Variants in ATP6V0A2 observed in about 807,000 individuals in gnomAD.
ATP6V0A2 encodes the protein V-type proton ATPase 116 kDa subunit a 2.
ATP6V0A2 carries 58 observed loss-of-function variants against 104.4 expected under a neutral mutation model. That is an observed-to-expected ratio of 0.56 (90% CI 0.45 to 0.69). ATP6V0A2 has a LOEUF of 0.69. Ranked by LOEUF, ATP6V0A2 falls within the 30% of genes least tolerant of loss-of-function variation. ATP6V0A2 has a pLI of 0.00. For missense variants in ATP6V0A2, 938 were observed against 1,062.9 expected (o/e 0.88, Z 1.63); for synonymous variants, 376 against 397.9 (o/e 0.95, Z 0.65).
At chr12:123,736,606 G>A (rs1403802251) in intron 8 of ATP6V0A2, among the ~76,000 whole-genome samples, 2 of 152,308 alleles carry the variant, frequency 1.3e-5, no homozygotes, top group East Asian at 1.9e-4. Flanking sequence ...GAGGGTTCTT[G>A]TTGGCATGAA....
At chr12:123,745,061 A>C in intron 13 of ATP6V0A2, 89 bp downstream of exon 13, 1 of 1,306,368 alleles carries the variant, frequency 7.7e-7, no homozygotes, top group Non-Finnish European at 1.1e-6. Flanking sequence ...ACTGTTGAGC[A>C]GGGTTCACGC....
chr12:123,733,682 T>G, intron 6 of ATP6V0A2: 1 of 517,772 alleles, frequency 1.9e-6, no homozygotes, highest in African/African-American at 1.9e-5. Flanking sequence ...GGACTTTACC[T>G]GGGAACGCGG....
chr12:123,718,474 T>G (rs879366267), intron 1 of ATP6V0A2, 149 bp from the exon 2 acceptor site: 11 of 597,942 alleles, frequency 1.8e-5, no homozygotes, highest in Non-Finnish European at 3.2e-5. Context: ...GTTGACAAAT[T>G]GCTCTCAAGA....
In ATP6V0A2 at chr12:123,759,488, TG is replaced by T. The variant is rs1172150353; in HGVS notation, c.*1457del. 1 of 152,256 alleles carries T rather than the reference TG, an allele frequency of 6.6e-6. No homozygotes were observed. The highest frequency in any genetic ancestry group is 6.5e-5 in the Admixed American group (1 of 15,286). The allele number at this position is 152,256 out of a possible 1,614,324, so 9.4% of individuals were successfully genotyped here. A position where few individuals can be genotyped will look rare whatever the true frequency, so the allele number is the denominator to read the frequency against. On this transcript the variant is annotated 3_prime_UTR_variant, in exon 20 of 20. Transcript: ENST00000330342. ...TTTTGTGAACTTGAGTCAGTCCTAT[TG>T]AACATTTTGACCTATATTCTTGCAA...
intron 1 of ATP6V0A2, among the ~76,000 whole-genome samples, chr12:123,716,650 G>A (rs1956342384): frequency 6.6e-6 from 1 of 151,924 alleles, no homozygotes; most frequent in Non-Finnish European, 1.5e-5. Context: ...AATTAGCCGG[G>A]TGTGGTGGCA....
intron 4 of ATP6V0A2, 126 bp downstream of exon 4, chr12:123,724,917 A>C: frequency 1.6e-6 from 1 of 626,346 alleles, no homozygotes; most frequent in South Asian, 2.7e-5. Context: ...TAAGAGATTA[A>C]ATTTATTTAT....
chr12:123,734,581 C>T (rs11057340), intron 7 of ATP6V0A2, among the ~76,000 whole-genome samples: 2 of 152,192 alleles, frequency 1.3e-5, no homozygotes, highest in Non-Finnish European at 2.9e-5. Context: ...GACATCAGTT[C>T]GGCATAAGCC....
At chr12:123,729,631 CTG>C (rs1489402398) in intron 6 of ATP6V0A2, among the ~76,000 whole-genome samples, 4 of 152,008 alleles carry the variant, frequency 2.6e-5, no homozygotes, top group African/African-American at 7.3e-5. Flanking sequence ...GTAAAAATAA[CTG>C]TTGTTTTAAA....
Position 123,744,646 on chromosome 12 carries a change from T to C in ATP6V0A2, c.1376T>C (p.Leu459Pro), listed in dbSNP as rs1425437024. 1 of 1,613,898 alleles carries C rather than the reference T, an allele frequency of 6.2e-7. No homozygotes were observed. The highest frequency in any genetic ancestry group is 1.1e-5 in the South Asian group (1 of 91,058). The change falls in exon 12 of 20, where the codon CTG becomes CCG. Residue 459 changes from leucine to proline, a missense_variant. Physicochemically the swap from Leu to Pro is moderately conservative, Grantham distance 98. Transcript: ENST00000330342. This position sits in a 1 kb window ranked among gnomAD's most constrained non-coding sequence, Gnocchi z 5.4. ...NGRYILLLMG[L>P]FSVYTGLIYN... Reference sequence around the variant, plus strand: ...CGGTACATCCTCCTGCTGATGGGGCTGTTCTCAGTGTACACTGGCCTCATC... The same window carrying C: ...CGGTACATCCTCCTGCTGATGGGGCCGTTCTCAGTGTACACTGGCCTCATC...
chr12:123,743,726 A>G (rs2135908936), intron 9 of ATP6V0A2, 59 bp from the exon 10 acceptor site: 3 of 1,582,596 alleles, frequency 1.9e-6, no homozygotes, highest in East Asian at 2.2e-5. Context: ...TTCGTTGAAT[A>G]TGGATAGTTA....
At chr12:123,722,115 A>C (rs927747692) in intron 2 of ATP6V0A2, among the ~76,000 whole-genome samples, 2 of 152,214 alleles carry the variant, frequency 1.3e-5, no homozygotes, top group Admixed American at 1.3e-4. Context: ...AGTCACTAAG[A>C]AATAGAAGAG....
chr12:123,736,184 T>G, intron 8 of ATP6V0A2, among the ~76,000 whole-genome samples: 1 of 134,928 alleles, frequency 7.4e-6, no homozygotes, highest in African/African-American at 2.7e-5. Flanking sequence ...GGATTGTGAT[T>G]CTTTTTTTTT....
At position 123,745,413 on chromosome 12, in the gene ATP6V0A2, T is replaced by C. The variant is rs573883878; in HGVS notation, c.1605+441T>C. Among the ~76,000 whole-genome samples the C allele has an allele frequency of 2.6e-5, 4 of 152,132 alleles. No homozygotes were observed. The South Asian group carries it at 8.3e-4, about 32-fold the overall frequency. On this transcript the variant is annotated intron_variant, in intron 13 of 19. Coordinates refer to ENST00000330342, the MANE Select transcript of ATP6V0A2 (RefSeq NM_012463.4). ...GGGTAGTTGTTTGGAATGGGAAAAG[T>C]GTTAATAGAAAGAAAATGGGGAAGT...
intron 6 of ATP6V0A2, chr12:123,732,080 G>C (rs1434532041): frequency 6.6e-6 from 1 of 152,130 alleles, no homozygotes; most frequent in Non-Finnish European, 1.5e-5. Context: ...GACCGTTTCT[G>C]CTTTTGCCTA....
intron 6 of ATP6V0A2, among the ~76,000 whole-genome samples, chr12:123,730,063 T>C (rs1956487172): frequency 1.4e-5 from 2 of 142,896 alleles, no homozygotes; most frequent in African/African-American, 2.6e-5. Flanking sequence ...TTTTTTTTTT[T>C]TTTTTTTTTG....
chr12:123,724,624 C>T (rs757744331), intron 3 of ATP6V0A2, 30 bp from the exon 4 acceptor site: 6 of 1,610,668 alleles, frequency 3.7e-6, no homozygotes, highest in Middle Eastern at 1.6e-4. Context: ...CTAATTACTA[C>T]CCTCTTAAGT....
intron 15 of ATP6V0A2, 129 bp downstream of exon 15, chr12:123,748,914 A>G (rs974225467): frequency 1.1e-6 from 1 of 926,508 alleles, no homozygotes; most frequent in Admixed American, 1.8e-5. Context: ...TGCATGTGTC[A>G]TCACTGGAGG....
At chr12:123,748,901 C>T in intron 15 of ATP6V0A2, 116 bp downstream of exon 15, 1 of 1,022,852 alleles carries the variant, frequency 9.8e-7, no homozygotes, top group East Asian at 2.5e-5. Context: ...CTGCTTCTGT[C>T]TCTGCATGTG....
At chr12:123,717,518 C>T (rs1210704769) in intron 1 of ATP6V0A2, among the ~76,000 whole-genome samples, 1 of 149,422 alleles carries the variant, frequency 6.7e-6, no homozygotes, top group Non-Finnish European at 1.5e-5. Flanking sequence ...GATCACTGCT[C>T]ACTGCAATCT....
Sources: allele counts gnomAD v4.1 joint callset (sites outside exome capture counted in the v4.1 genomes callset), GRCh38; gene constraint gnomAD v4.1.1; non-coding constraint Gnocchi (gnomAD v3.1); transcripts MANE v1.5; gene names NCBI Gene and HGNC (gene_info 2026-07-23, HGNC 2026-07-21).